SPATA16: variants seen among roughly 807,000 people sequenced by gnomAD.
SPATA16 encodes spermatogenesis associated 16, also known as spermatogenesis-associated protein 16.
SPATA16 carries 36 observed loss-of-function variants against 63.3 expected under a neutral mutation model. The observed-to-expected ratio is 0.57, with a 90% CI of 0.44 to 0.75. SPATA16 has a LOEUF of 0.75. Ranked by LOEUF, SPATA16 falls within the 30% of genes least tolerant of loss-of-function variation. The pLI, the probability that SPATA16 is intolerant of heterozygous loss-of-function variation, is 0.00. For missense variants in SPATA16, 646 were observed against 679.3 expected (o/e 0.95, Z 0.54); for synonymous variants, 203 against 216.7 (o/e 0.94, Z 0.56).
Position 172,924,214 on chromosome 3 carries a change from T to C in SPATA16, c.1332A>G (p.Gln444=), listed in dbSNP as rs759930739. The change falls in exon 8 of 11, where the codon CAA becomes CAG. Residue 444 remains glutamine (Q), a synonymous_variant. Transcript: ENST00000351008. ...AAAAGACTCATATACCTACATTCAA[T>C]TGGGTGCTTCTAATAAAATCCAATA... is the stretch of plus-strand genomic sequence containing the variant. ...LPILDFIRST[Q]LNGSFPASSG... The C allele has an allele frequency of 4.3e-6, 7 of 1,610,594 alleles. No individual in the cohort carries two copies. In the East Asian group the frequency reaches 1.3e-4, roughly 31 times the overall value.
intron 3 of SPATA16, among the ~76,000 whole-genome samples, chr3:173,028,007 C>T (rs1379251040): frequency 2.4e-4 from 17 of 70,056 alleles, no homozygotes; most frequent in African/African-American, 1.1e-3. Context: ...CCCTCCCTCC[C>T]TCCCTCCCTT....
chr3:173,027,831 C>CAT (rs1316075185), intron 3 of SPATA16, among the ~76,000 whole-genome samples: 3 of 151,870 alleles, frequency 2.0e-5, no homozygotes. Flanking sequence ...TCCCCAGAGA[C>CAT]ATATGTTTTG....
At chr3:173,047,746 T>C (rs1735990131) in intron 3 of SPATA16, among the ~76,000 whole-genome samples, 1 of 151,636 alleles carries the variant, frequency 6.6e-6, no homozygotes. Flanking sequence ...TATATCTTGA[T>C]TTTTTTTTAA....
intron 3 of SPATA16, among the ~76,000 whole-genome samples, chr3:173,030,932 A>G (rs1735590211): frequency 6.6e-6 from 1 of 152,112 alleles, no homozygotes; most frequent in South Asian, 2.1e-4. Context: ...ATGCTACAAC[A>G]TGAATGCACT....
chr3:173,014,976 A>G (rs374356323), intron 4 of SPATA16, among the ~76,000 whole-genome samples: 1 of 152,130 alleles, frequency 6.6e-6, no homozygotes, highest in African/African-American at 2.4e-5. Flanking sequence ...GGGCTTTATA[A>G]GCATTTGAAT....
intron 4 of SPATA16, among the ~76,000 whole-genome samples, chr3:173,010,104 C>A (rs1197406030): frequency 2.6e-5 from 4 of 152,210 alleles, no homozygotes; most frequent in Non-Finnish European, 5.9e-5. Context: ...GGAGTAGCCT[C>A]TGACACTCAG....
At chr3:172,918,649 T>C (rs923809716) in intron 8 of SPATA16, among the ~76,000 whole-genome samples, 1 of 151,916 alleles carries the variant, frequency 6.6e-6, no homozygotes, top group Non-Finnish European at 1.5e-5. Flanking sequence ...AAGAAAATAA[T>C]AAAAAATAGG....
At chr3:173,134,019 T>A (rs1305248170) in intron 1 of SPATA16, among the ~76,000 whole-genome samples, 1 of 152,176 alleles carries the variant, frequency 6.6e-6, no homozygotes, top group Non-Finnish European at 1.5e-5. Context: ...AATAGCCATG[T>A]TAATCTTGAA....
chr3:173,046,115 G>T (rs1735950815), intron 3 of SPATA16, among the ~76,000 whole-genome samples: 1 of 151,944 alleles, frequency 6.6e-6, no homozygotes, highest in South Asian at 2.1e-4. Flanking sequence ...ATCATAGCAG[G>T]ATTTTTAATC....
intron 2 of SPATA16, among the ~76,000 whole-genome samples, chr3:173,077,993 C>G (rs1269291489): frequency 6.6e-6 from 1 of 151,982 alleles, no homozygotes; most frequent in Non-Finnish European, 1.5e-5. Context: ...TAAAGCACCT[C>G]TATAGTGAGA....
intron 2 of SPATA16, among the ~76,000 whole-genome samples, chr3:173,074,023 C>A (rs1736732203): frequency 6.6e-6 from 1 of 152,182 alleles, no homozygotes; most frequent in Non-Finnish European, 1.5e-5. Context: ...GACTGCCCTG[C>A]TGGATTTCGG....
intron 1 of SPATA16, among the ~76,000 whole-genome samples, chr3:173,130,748 C>T (rs2108347484): frequency 6.6e-6 from 1 of 152,266 alleles, no homozygotes; most frequent in South Asian, 2.1e-4. Context: ...TGACATTATA[C>T]TAAAGATAAT....
intron 6 of SPATA16, among the ~76,000 whole-genome samples, chr3:172,947,678 A>G (rs1733325395): frequency 6.6e-6 from 1 of 152,168 alleles, no homozygotes; most frequent in Non-Finnish European, 1.5e-5. Flanking sequence ...TAACACAGGA[A>G]CAGAAAACCA....
intron 1 of SPATA16, among the ~76,000 whole-genome samples, chr3:173,119,701 A>G (rs1445952725): frequency 2.6e-5 from 4 of 152,020 alleles, no homozygotes; most frequent in Non-Finnish European, 5.9e-5. Context: ...ATTGAAGATC[A>G]GCAGAACTGT....
Position 173,117,684 on chromosome 3 carries a change from G to T in SPATA16, c.48C>A (p.Ile16=). The T allele has an allele frequency of 6.2e-7, 1 of 1,614,098 alleles. No individual in the cohort carries two copies. The highest frequency in any genetic ancestry group is 1.1e-5 in the South Asian group (1 of 91,080). The change falls in exon 2 of 11, where the codon ATC becomes ATA. Residue 16 remains isoleucine (I), a synonymous_variant. Transcript: ENST00000351008. The part of the protein sequence containing the change: ...SRSLENAVNR[I]YHDQLVPKIN... ...TCTTTGGAACAAGCTGATCATGATA[G>T]ATCCTATTCACTGCATTCTCCAAAC... is the stretch of plus-strand genomic sequence containing the variant.
chr3:172,961,725 T>C (rs762385178), intron 5 of SPATA16, among the ~76,000 whole-genome samples: 1 of 152,150 alleles, frequency 6.6e-6, no homozygotes, highest in Admixed American at 6.5e-5. Flanking sequence ...CTTTAAAAAA[T>C]TCTATAGAAT....
At chr3:173,101,869 C>T (rs1737505303) in intron 2 of SPATA16, among the ~76,000 whole-genome samples, 1 of 152,154 alleles carries the variant, frequency 6.6e-6, no homozygotes, top group Non-Finnish European at 1.5e-5. Context: ...ACTATGCATT[C>T]TCTTCACTGG....
intron 8 of SPATA16, among the ~76,000 whole-genome samples, chr3:172,921,274 T>A (rs1302403948): frequency 2.0e-5 from 3 of 152,102 alleles, no homozygotes; most frequent in Non-Finnish European, 4.4e-5. Context: ...AAATGTAAAC[T>A]AAAGCCTTAG....
rs1405544268 is a variant in SPATA16, at chr3:173,000,310, G to A, written c.848+19176C>T. Among the ~76,000 whole-genome samples, 4 of 152,158 alleles carry A rather than the reference G, an allele frequency of 2.6e-5. No homozygotes were observed. In the South Asian group the frequency reaches 8.3e-4, roughly 32 times the overall value. Reference sequence around the variant, plus strand: ...AAATACATTTCTATTGTTATAAAGTGCCCAGTCTAATGTATTTTGTTAGAG... The same window carrying A: ...AAATACATTTCTATTGTTATAAAGTACCCAGTCTAATGTATTTTGTTAGAG... On this transcript the variant is annotated intron_variant, in intron 4 of 10. Transcript: ENST00000351008.
Sources: allele counts gnomAD v4.1 joint callset (sites outside exome capture counted in the v4.1 genomes callset), GRCh38; gene constraint gnomAD v4.1.1; transcripts MANE v1.5; gene names NCBI Gene and HGNC (gene_info 2026-07-23, HGNC 2026-07-21).